The following DAB1 variants were observed in gnomAD, a reference collection of about 807,000 sequenced individuals.
DAB1 encodes disabled homolog 1.
In DAB1, 15 loss-of-function variants were observed where a neutral mutation model predicts 64.6. That is an observed-to-expected ratio of 0.23 (90% CI 0.16 to 0.36). DAB1 has a LOEUF of 0.36. Among genes scored for constraint, DAB1 ranks in the 10% least tolerant of loss-of-function variants. DAB1 has a pLI of 1.00. For synonymous variants in DAB1, 235 were observed against 251.9 expected (o/e 0.93, Z 0.64); for missense variants, 596 against 706.7 (o/e 0.84, Z 1.78).
intron 5 of DAB1, among the ~76,000 whole-genome samples, chr1:57,946,088 G>A (rs1413793128): frequency 2.0e-5 from 3 of 152,186 alleles, no homozygotes; most frequent in Non-Finnish European, 4.4e-5. Flanking sequence ...GACAGATACA[G>A]AACTGGGACA....
intron 5 of DAB1, among the ~76,000 whole-genome samples, chr1:57,999,814 G>A (rs1474509513): frequency 1.3e-5 from 2 of 151,718 alleles, no homozygotes; most frequent in Non-Finnish European, 2.9e-5. Flanking sequence ...GATGAGGGAG[G>A]AAGAGAGGGA....
At chr1:58,419,845 A>T (rs2406787) in intron 3 of DAB1, among the ~76,000 whole-genome samples, 64,079 of 152,034 alleles carry the variant, frequency 0.42, 14,517 homozygotes, top group Middle Eastern at 0.52. Context: ...CCAGAATTCT[A>T]AAGTTTCCAA....
At chr1:58,174,310 T>C (rs1656340222) in intron 4 of DAB1, among the ~76,000 whole-genome samples, 2 of 152,356 alleles carry the variant, frequency 1.3e-5, no homozygotes, top group African/African-American at 4.8e-5. Flanking sequence ...ATCTTGCTAT[T>C]ACTCACCTTT....
chr1:58,440,091 T>C (rs1280314391), intron 3 of DAB1, among the ~76,000 whole-genome samples: 1 of 152,160 alleles, frequency 6.6e-6, no homozygotes, highest in Non-Finnish European at 1.5e-5. Flanking sequence ...TATCCAACCA[T>C]ATTTGCAAAT....
At chr1:57,368,181 G>C (rs1680213809) in intron 1 of DAB1, among the ~76,000 whole-genome samples, 1 of 152,212 alleles carries the variant, frequency 6.6e-6, no homozygotes, top group African/African-American at 2.4e-5. Flanking sequence ...GCACTGATGA[G>C]GATAAGAGGG....
At chr1:57,122,436 C>A (rs1409776162) in intron 4 of DAB1, among the ~76,000 whole-genome samples, 1 of 152,164 alleles carries the variant, frequency 6.6e-6, no homozygotes, top group Non-Finnish European at 1.5e-5. Flanking sequence ...AGCCTTAGCT[C>A]TCCCAAACAT....
At chr1:58,390,528 CAG>C (rs552700165) in intron 3 of DAB1, among the ~76,000 whole-genome samples, 6 of 152,162 alleles carry the variant, frequency 3.9e-5, no homozygotes, top group Non-Finnish European at 7.4e-5. Context: ...ATCGTGGAGT[CAG>C]GGGGACGTGG....
chr1:57,136,699 G>T (rs1290522020), intron 3 of DAB1, 58 bp from the exon 4 acceptor site: 3 of 1,195,426 alleles, frequency 2.5e-6, no homozygotes, highest in Non-Finnish European at 3.5e-6. Flanking sequence ...AATTCTCTCT[G>T]GTCCCAAAGG....
At chr1:58,354,028 T>C (rs1031530631) in intron 3 of DAB1, among the ~76,000 whole-genome samples, 4 of 152,150 alleles carry the variant, frequency 2.6e-5, no homozygotes, top group Admixed American at 1.3e-4. Context: ...TTTTCACTAA[T>C]TGAACAAATA....
intron 5 of DAB1, chr1:58,048,127 C>G: frequency 1.9e-6 from 2 of 1,079,358 alleles, no homozygotes; most frequent in East Asian, 4.8e-5. Context: ...CCTATAGCTT[C>G]CCTGTCACTT....
chr1:57,926,167 T>A (rs926798354), intron 5 of DAB1, among the ~76,000 whole-genome samples: 2 of 152,194 alleles, frequency 1.3e-5, no homozygotes, highest in African/African-American at 4.8e-5. Context: ...AATCACTTAA[T>A]GTTCTTTCCT....
intron 3 of DAB1, among the ~76,000 whole-genome samples, chr1:57,142,173 A>G (rs1175337463): frequency 1.3e-5 from 2 of 152,178 alleles, no homozygotes; most frequent in African/African-American, 2.4e-5. Context: ...TACTCATTAT[A>G]TGAATCCCCT....
chr1:58,468,892 C>T (rs1645325100), intron 3 of DAB1: 1 of 232,282 alleles, frequency 4.3e-6, no homozygotes, highest in Non-Finnish European at 7.1e-6. Context: ...ACAGAGGACT[C>T]ACTTGAAGAG....
exon 1 of DAB1, chr1:57,884,062 G>A (rs910275520): frequency 6.6e-6 from 1 of 152,292 alleles, no homozygotes; most frequent in Non-Finnish European, 1.5e-5. Flanking sequence ...CTGGCAAAAG[G>A]GGGGTGCCCA....
At chr1:57,974,611 C>T (rs1199594368) in intron 5 of DAB1, among the ~76,000 whole-genome samples, 1 of 151,946 alleles carries the variant, frequency 6.6e-6, no homozygotes, top group African/African-American at 2.4e-5. Flanking sequence ...GAAAAAGATC[C>T]CTAGGTGATT....
intron 6 of DAB1, among the ~76,000 whole-genome samples, chr1:57,760,102 T>A (rs916874976): frequency 6.6e-6 from 1 of 152,108 alleles, no homozygotes; most frequent in Non-Finnish European, 1.5e-5. Flanking sequence ...GTTGAATGAT[T>A]GCACTGTCCA....
intron 7 of DAB1, among the ~76,000 whole-genome samples, chr1:57,618,466 G>T (rs1645816213): frequency 6.6e-6 from 1 of 151,558 alleles, no homozygotes. Context: ...TCCTTTAGGG[G>T]TTGGCTGGGA....
At chr1:57,353,004 C>CTAAG (rs1678711742) in intron 1 of DAB1, among the ~76,000 whole-genome samples, 2 of 151,854 alleles carry the variant, frequency 1.3e-5, no homozygotes, top group Non-Finnish European at 2.9e-5. Context: ...GGCTGCTGGC[C>CTAAG]TAAGCTGCAG....
intron 3 of DAB1, among the ~76,000 whole-genome samples, chr1:58,427,339 A>G (rs577795358): frequency 6.6e-6 from 1 of 152,242 alleles, no homozygotes; most frequent in South Asian, 2.1e-4. Context: ...TTTTCTCCGA[A>G]TGAGATAGGA....
Sources: gnomAD v4.1 joint callset for allele counts (sites outside exome capture counted in the v4.1 genomes callset) on GRCh38, gnomAD v4.1.1 for gene constraint, MANE v1.5 for transcripts, NCBI Gene and HGNC (gene_info 2026-07-23, HGNC 2026-07-21) for gene names.